The following CADM1 variants were observed in gnomAD, a reference collection of about 807,000 sequenced individuals.
The protein encoded by CADM1 is cell adhesion molecule 1.
CADM1 carries 15 observed loss-of-function variants against 53.1 expected under a neutral mutation model. The ratio of observed to expected loss-of-function variants is 0.28; its 90% CI spans 0.19 to 0.44. CADM1 has a LOEUF of 0.44. Among genes scored for constraint, CADM1 ranks in the 20% least tolerant of loss-of-function variants. The pLI, the probability that CADM1 is intolerant of heterozygous loss-of-function variation, is 1.00. For missense variants in CADM1, 434 were observed against 611.3 expected (o/e 0.71, Z 3.06); for synonymous variants, 281 against 243.0 (o/e 1.16, Z -1.45).
intron 10 of CADM1, among the ~76,000 whole-genome samples, chr11:115,181,588 T>C (rs1416331073): frequency 6.6e-6 from 1 of 152,208 alleles, no homozygotes; most frequent in Non-Finnish European, 1.5e-5. Context: ...CAGGGAACAC[T>C]GCCGGTTACG....
chr11:115,336,237 C>T (rs573400510), intron 1 of CADM1, among the ~76,000 whole-genome samples: 1 of 152,106 alleles, frequency 6.6e-6, no homozygotes, highest in Non-Finnish European at 1.5e-5. Context: ...GCTAAGGCTC[C>T]CACAACTTTC....
chr11:115,230,574 T>C (rs11215433), intron 4 of CADM1, among the ~76,000 whole-genome samples: 22,352 of 152,112 alleles, frequency 0.15, 2,528 homozygotes, highest in African/African-American at 0.3. Context: ...AATGGTCAAA[T>C]AGGGTATAGG....
At chr11:115,328,704 A>ATATACATATATACACGCG (rs1420774252) in intron 1 of CADM1, among the ~76,000 whole-genome samples, 1 of 7,764 alleles carries the variant, frequency 1.3e-4, no homozygotes, top group Non-Finnish European at 5.3e-4. Flanking sequence ...ATATATATGT[A>ATATACATATATACACGCG]TATATATATG....
At chr11:115,340,100 G>A (rs537262831) in intron 1 of CADM1, 6 of 152,200 alleles carry the variant, frequency 3.9e-5, no homozygotes, top group East Asian at 1.9e-4. Context: ...TAAAGCTCGC[G>A]TTCCCGTGTG....
chr11:115,470,425 G>GA (rs1485306862), intron 1 of CADM1, among the ~76,000 whole-genome samples: 2 of 151,978 alleles, frequency 1.3e-5, no homozygotes, highest in Admixed American at 6.6e-5. Context: ...TATTCTACTG[G>GA]AAAAAAACCT....
chr11:115,174,376 C>G lies in CADM1; in HGVS notation c.*2098G>C. 1 of 985,162 alleles carries G rather than the reference C, an allele frequency of 1.0e-6. No individual in the cohort carries two copies. The highest frequency in any genetic ancestry group is 1.2e-6 in the Non-Finnish European group (1 of 829,766). 61.0% of individuals were successfully genotyped at this position (985,162 alleles called of 1,614,324 possible). ...ATTCTCACCCTTTGATATGATTATA[C>G]TATGGTCGGAATGGGTGCTAAGGGC... On this transcript the variant is annotated 3_prime_UTR_variant, in exon 12 of 12. Transcript: ENST00000331581.
intron 10 of CADM1, among the ~76,000 whole-genome samples, chr11:115,182,101 G>A (rs538348537): frequency 1.1e-4 from 16 of 152,324 alleles, no homozygotes; most frequent in African/African-American, 3.6e-4. Context: ...CCTGCAGGGT[G>A]CAGACCCCTT....
chr11:115,231,479 T>G lies in CADM1; in HGVS notation c.436A>C (p.Asn146His). 1 of 1,614,084 alleles carries G rather than the reference T, an allele frequency of 6.2e-7. No individual in the cohort carries two copies. Among genetic ancestry groups the G allele is most frequent in the Non-Finnish European group, 8.5e-7 (1 of 1,179,914 alleles). Residue 146 changes from asparagine to histidine, a missense_variant, in exon 4 of 12, where the codon AAT (asparagine) becomes CAT (histidine). This residue lies in a region of CADM1 where 311 missense variants were observed against 435.1 expected (regional missense o/e 0.71). Transcript: ENST00000331581. Reference sequence around the variant, plus strand: ...TCTTTCTGGATATCGATCATCAGATTACGTGGTGGGACTACAAATTAAACA... The same window carrying G: ...TCTTTCTGGATATCGATCATCAGATGACGTGGTGGGACTACAAATTAAACA... ...TTITVLVPPR[N>H]LMIDIQKDTA...
At chr11:115,445,836 C>A (rs1037707724) in intron 1 of CADM1, 23 of 436,688 alleles carry the variant, frequency 5.3e-5, no homozygotes, top group Admixed American at 1.0e-4. Context: ...TGAAGTGAGA[C>A]CTGTCAAAAA....
chr11:115,299,619 T>A (rs1461858798), intron 1 of CADM1, among the ~76,000 whole-genome samples: 1 of 152,190 alleles, frequency 6.6e-6, no homozygotes, highest in African/African-American at 2.4e-5. Context: ...CACTGCTTTA[T>A]TATTTTGAAA....
rs566510411 is a variant in CADM1 at position 115,209,997 on chromosome 11, T to C, written c.995-340A>G. Among the ~76,000 whole-genome samples, 7 of 152,312 alleles carry C rather than the reference T, an allele frequency of 4.6e-5. No homozygotes were observed. The East Asian group carries it at 1.4e-3, about 29-fold the overall frequency. ...TCAACTCAGTACCAAGAGGGTACAA[T>C]GGTTGTCATTTCGTTTCAGCTTTTA... On this transcript the variant is annotated intron_variant, in intron 7 of 11. Transcript: ENST00000331581.
intron 1 of CADM1, among the ~76,000 whole-genome samples, chr11:115,443,201 GA>G (rs913667898): frequency 4.5e-5 from 5 of 111,684 alleles, no homozygotes; most frequent in South Asian, 2.9e-4. Flanking sequence ...CACCAAGGGA[GA>G]AAAAAAAATC....
At chr11:115,308,571 T>C (rs1944449590) in intron 1 of CADM1, among the ~76,000 whole-genome samples, 1 of 152,050 alleles carries the variant, frequency 6.6e-6, no homozygotes, top group South Asian at 2.1e-4. Context: ...TTAGAGTGAT[T>C]TTTTTCACAA....
intron 1 of CADM1, chr11:115,397,555 CACTAA>C (rs1947032264): frequency 1.3e-5 from 2 of 152,288 alleles, no homozygotes; most frequent in South Asian, 4.1e-4. Context: ...AGAGTTCCAT[CACTAA>C]ACTGATATGT....
chr11:115,369,906 C>G (rs1244004473), intron 1 of CADM1, among the ~76,000 whole-genome samples: 5 of 152,108 alleles, frequency 3.3e-5, no homozygotes, highest in Admixed American at 1.3e-4. Context: ...AGCACTTTTT[C>G]CTACCATTTC....
At chr11:115,495,488 C>T (rs1949588741) in intron 1 of CADM1, among the ~76,000 whole-genome samples, 1 of 152,174 alleles carries the variant, frequency 6.6e-6, no homozygotes, top group African/African-American at 2.4e-5. Context: ...GATATTGCTC[C>T]CAGATAAAGG....
chr11:115,404,346 A>AAAAAAAAAAAAAAAAAAAATAT (rs1947251974), intron 1 of CADM1, among the ~76,000 whole-genome samples: 1 of 33,792 alleles, frequency 3.0e-5, no homozygotes, highest in African/African-American at 1.4e-4. Flanking sequence ...AAAAAAAAAA[A>AAAAAAAAAAAAAAAAAAAATAT]ATATATATAT....
intron 1 of CADM1, among the ~76,000 whole-genome samples, chr11:115,266,156 A>C (rs1189298553): frequency 1.3e-5 from 2 of 152,254 alleles, no homozygotes; most frequent in African/African-American, 4.8e-5. Flanking sequence ...TGTGGGCATC[A>C]GCCAGTAGGA....
Position 115,175,465 on chromosome 11 carries a change from CG to C in CADM1, c.*1008del, listed in dbSNP as rs1938984539. 1.0e-6 allele frequency: 1 copy of C among 985,404 alleles called. No individual in the cohort carries two copies. The highest frequency in any genetic ancestry group is 1.2e-6 in the Non-Finnish European group (1 of 829,928). The allele number at this position is 985,404 out of a possible 1,614,324, so 61.0% of individuals were successfully genotyped here. On this transcript the variant is annotated 3_prime_UTR_variant, in exon 12 of 12. Coordinates refer to ENST00000331581, the MANE Select transcript of CADM1 (RefSeq NM_001301043.2). ...CCTACAAATTAGTGAGAAGTAAGGC[CG>C]ATTGGGAAAGGTGGATGGAATCATT...
Sources: gnomAD v4.1 joint callset for allele counts (sites outside exome capture counted in the v4.1 genomes callset) on GRCh38, gnomAD v4.1.1 for gene constraint, gnomAD v4.1.1 regional missense constraint, MANE v1.5 for transcripts, NCBI Gene and HGNC (gene_info 2026-07-23, HGNC 2026-07-21) for gene names.